The following AHCTF1 variants were observed in gnomAD, a reference collection of about 807,000 sequenced individuals.
The protein encoded by AHCTF1 is AT-hook containing transcription factor 1.
A neutral mutation model predicts 248.4 loss-of-function variants in AHCTF1; 24 were observed. The ratio of observed to expected loss-of-function variants is 0.10; its 90% CI spans 0.07 to 0.14. AHCTF1 has a LOEUF of 0.14. Ranked by LOEUF, AHCTF1 falls within the 10% of genes least tolerant of loss-of-function variation. The probability of loss-of-function intolerance (pLI) is 1.00; values close to 1 mark genes in which losing one functional copy is unlikely to be tolerated. For missense variants in AHCTF1, 2,206 were observed against 2,636.2 expected, an observed-to-expected ratio of 0.84 and a Z score of 3.57; for synonymous variants, 786 against 929.8, an observed-to-expected ratio of 0.85 and a Z score of 2.81.
intron 24 of AHCTF1, among the ~76,000 whole-genome samples, chr1:246,868,797 A>G (rs2103084203): frequency 6.6e-6 from 1 of 151,690 alleles, no homozygotes; most frequent in Middle Eastern, 3.4e-3. Flanking sequence ...GAATGAGTAC[A>G]GGTCTACCTC....
Position 246,839,918 on chromosome 1 carries a change from G to A in AHCTF1, c.*888C>T, listed in dbSNP as rs1659735331. The stretch of plus-strand genomic sequence containing the variant: ...CTCAATAATCTGTGCCTGAGGTCCT[G>A]TGAGAATTTGCCAGTTTTAAAACCT... On this transcript the variant is annotated 3_prime_UTR_variant, in exon 36 of 36. Coordinates refer to ENST00000648844, the MANE Select transcript of AHCTF1 (RefSeq NM_001323342.2). 1.3e-5 allele frequency: 2 copies of A among 152,572 alleles called. No individual in the cohort carries two copies. Among genetic ancestry groups the A allele is most frequent in the East Asian group, 1.9e-4 (1 of 5,200 alleles). 9.5% of individuals were successfully genotyped at this position (152,572 alleles called of 1,614,324 possible).
intron 6 of AHCTF1, among the ~76,000 whole-genome samples, chr1:246,904,284 A>G (rs1395355585): frequency 6.6e-6 from 1 of 152,208 alleles, no homozygotes; most frequent in Non-Finnish European, 1.5e-5. Flanking sequence ...TGTAGCAAAG[A>G]CTGATTACTC....
At chr1:246,890,682 C>A (rs1664152634) in intron 16 of AHCTF1, among the ~76,000 whole-genome samples, 1 of 152,036 alleles carries the variant, frequency 6.6e-6, no homozygotes, top group Non-Finnish European at 1.5e-5. Flanking sequence ...AGTAATATTG[C>A]TGAACTCATT....
At chr1:246,899,396 C>A in intron 11 of AHCTF1, 55 bp downstream of exon 11, 1 of 1,388,152 alleles carries the variant, frequency 7.2e-7, no homozygotes, top group Non-Finnish European at 9.9e-7. Flanking sequence ...CATAAATCAA[C>A]TATATTCTAA....
intron 26 of AHCTF1, 56 bp downstream of exon 26, chr1:246,867,188 C>A: frequency 2.2e-6 from 2 of 891,158 alleles, no homozygotes; most frequent in African/African-American, 3.4e-5. Context: ...TTAAAAATTA[C>A]AATTGTAACT....
At chr1:246,864,976 G>C (rs1323091226) in intron 26 of AHCTF1, among the ~76,000 whole-genome samples, 2 of 149,708 alleles carry the variant, frequency 1.3e-5, no homozygotes, top group Non-Finnish European at 3.0e-5. Flanking sequence ...ACAACTTTAA[G>C]ATTCTACTAC....
intron 35 of AHCTF1, among the ~76,000 whole-genome samples, 168 bp from the exon 36 acceptor site, chr1:246,841,166 A>C (rs893558274): frequency 2.0e-5 from 3 of 152,256 alleles, no homozygotes; most frequent in Non-Finnish European, 4.4e-5. Context: ...CATATAAGCT[A>C]ATCAGAAGCA....
intron 15 of AHCTF1, among the ~76,000 whole-genome samples, 174 bp from the exon 16 acceptor site, chr1:246,891,234 T>C (rs1296086823): frequency 6.6e-6 from 1 of 152,184 alleles, no homozygotes; most frequent in Admixed American, 6.5e-5. Context: ...GTATTTAGTT[T>C]ACTTTGGTCC....
chr1:246,878,396 C>CAAAAAAAAAAAAAAAAAAAAAAAAAAA (rs1199465751), intron 21 of AHCTF1, among the ~76,000 whole-genome samples: 1 of 30,784 alleles, frequency 3.2e-5, no homozygotes. Flanking sequence ...GATTCTGTCT[C>CAAAAAAAAAAAAAAAAAAAAAAAAAAA]AAAAAAAAAA....
At chr1:246,918,443 C>T in intron 1 of AHCTF1, 66 bp from the exon 2 acceptor site, 1 of 1,410,132 alleles carries the variant, frequency 7.1e-7, no homozygotes. Context: ...TGATTATGTC[C>T]AGCCAGGAAA....
chr1:246,853,047 A>C, intron 32 of AHCTF1, 44 bp downstream of exon 32: 1 of 1,483,964 alleles, frequency 6.7e-7, no homozygotes, highest in Non-Finnish European at 9.2e-7. Flanking sequence ...AACTAAACCA[A>C]AACTGAAAGA....
chr1:246,927,369 A>C (rs189906202), intron 1 of AHCTF1, among the ~76,000 whole-genome samples: 306 of 152,162 alleles, frequency 2.0e-3, no homozygotes, highest in African/African-American at 7.0e-3. Context: ...TACGCTTGTC[A>C]TCCCGACTAC....
intron 26 of AHCTF1, among the ~76,000 whole-genome samples, chr1:246,866,072 A>T (rs1368209159): frequency 6.6e-6 from 1 of 152,196 alleles, no homozygotes; most frequent in African/African-American, 2.4e-5. Flanking sequence ...GATGTTATCT[A>T]TTCTGCCTTA....
chr1:246,857,543 T>C (rs991754949), intron 30 of AHCTF1, 148 bp downstream of exon 30: 4 of 867,700 alleles, frequency 4.6e-6, no homozygotes, highest in Non-Finnish European at 6.9e-6. Context: ...ACTGCACAAC[T>C]AAACTTCTTT....
intron 1 of AHCTF1, among the ~76,000 whole-genome samples, chr1:246,919,863 G>A (rs1012854321): frequency 3.9e-4 from 60 of 152,082 alleles, no homozygotes; most frequent in African/African-American, 1.3e-3. Flanking sequence ...AACTCACAGA[G>A]CCAGGCAGGG....
rs778160549 is a variant in AHCTF1, at chr1:246,861,016, T to C, written c.4015A>G (p.Lys1339Glu). 6.8e-6 allele frequency: 11 copies of C among 1,613,846 alleles called. No homozygotes were observed. Among genetic ancestry groups the C allele is most frequent in the Non-Finnish European group, 8.5e-6 (10 of 1,179,866 alleles). The change falls in exon 29 of 36, where the codon AAG (lysine) becomes GAG (glutamate). Residue 1339 changes from lysine to glutamate, a missense_variant. By Grantham distance (56) the Lys-to-Glu change is moderately conservative. Around this residue, in one of 6 missense-constraint regions of AHCTF1, gnomAD observed 955 missense variants for 1,055.6 expected, o/e 0.90. Coordinates refer to ENST00000648844, the MANE Select transcript of AHCTF1 (RefSeq NM_001323342.2). Reference sequence around the variant, plus strand: ...AGTGCAGTGGAAGAGCTTTTGGGCTTAGAGGCCGTGAAAACAGTCTCTTCA... The same window carrying C: ...AGTGCAGTGGAAGAGCTTTTGGGCTCAGAGGCCGTGAAAACAGTCTCTTCA... ...DLEETVFTAS[K>E]PKSSSTALTT...
chr1:246,930,583 G>GT (rs1235402536), intron 1 of AHCTF1, among the ~76,000 whole-genome samples: 18 of 139,834 alleles, frequency 1.3e-4, no homozygotes, highest in Non-Finnish European at 1.9e-4. Context: ...CAAAAAAACA[G>GT]TTTAAAAAAA....
At chr1:246,841,064 C>A in intron 35 of AHCTF1, 66 bp from the exon 36 acceptor site, 1 of 1,422,492 alleles carries the variant, frequency 7.0e-7, no homozygotes, top group Non-Finnish European at 9.4e-7. Context: ...ATTGGCTTCC[C>A]AACATGTTGA....
rs76526962 is a variant in AHCTF1, at chr1:246,906,770, A to T, written c.764+781T>A. Among the ~76,000 whole-genome samples, 912 of 152,352 alleles carry T rather than the reference A, an allele frequency of 6.0e-3. 2 individuals are homozygous for T. Among genetic ancestry groups the T allele is most frequent in the African/African-American group, 0.021 (857 of 41,574 alleles). ...ACGCTTAACACAAATTAACTTAGCT[A>T]CAAAGTATCAATATAATTATATTTT... On this transcript the variant is annotated intron_variant, in intron 5 of 35. Transcript: ENST00000648844.
Sources: gnomAD v4.1 joint callset for allele counts (sites outside exome capture counted in the v4.1 genomes callset) on GRCh38, gnomAD v4.1.1 for gene constraint, gnomAD v4.1.1 regional missense constraint, MANE v1.5 for transcripts, NCBI Gene and HGNC (gene_info 2026-07-23, HGNC 2026-07-21) for gene names.